Variants in SH2B3 observed in about 807,000 individuals in gnomAD.
The protein encoded by SH2B3 is SH2B adaptor protein 3.
SH2B3 carries 43 observed loss-of-function variants against 51.9 expected under a neutral mutation model. The ratio of observed to expected loss-of-function variants is 0.83; its 90% confidence interval spans 0.65 to 1.07. The LOEUF is 1.07. Ranked by LOEUF, SH2B3 falls within the 50% of genes least tolerant of loss-of-function variation. SH2B3 has a pLI of 0.00. For synonymous variants in SH2B3, 396 were observed against 376.0 expected (o/e 1.05, Z -0.62); for missense variants, 952 against 834.3 (o/e 1.14, Z -1.74).
rs773539972 is a variant in SH2B3 at position 111,447,264 on chromosome 12, A to C, written c.1021+45A>C. On this transcript the variant is annotated intron_variant, in intron 5 of 7. Transcript: ENST00000341259. ...GGCCATTGTCTTCTGGGTACGCTGG[A>C]ACCCAGACTCAGCCCAGGACATAAG... 9.5e-5 allele frequency: 150 copies of C among 1,576,384 alleles called. No individual in the cohort carries two copies. The Admixed American group carries it at 2.5e-3, about 26-fold the overall frequency.
chr12:111,442,440 G>A (rs1409724084), intron 2 of SH2B3, among the ~76,000 whole-genome samples: 5 of 152,180 alleles, frequency 3.3e-5, no homozygotes, highest in Admixed American at 3.3e-4. Context: ...GGTGCTGGAG[G>A]GTCGACTGAG....
chr12:111,446,745 T>G lies in SH2B3; in HGVS notation c.733-8T>G, dbSNP rs1278661679. The G allele has an allele frequency of 6.6e-7, 1 of 1,509,690 alleles. No homozygotes were observed. The allele number at this position is 1,509,690 out of a possible 1,614,324, so 93.5% of individuals were successfully genotyped here. A position where few individuals can be genotyped will look rare whatever the true frequency, so the allele number is the denominator to read the frequency against. On this transcript the variant is annotated splice_region_variant and splice_polypyrimidine_tract_variant and intron_variant, in intron 2 of 7. Coordinates refer to ENST00000341259, the MANE Select transcript of SH2B3 (RefSeq NM_005475.3). ...ACAAGCCTTGAGTACCCCAACTTGG[T>G]CTCGTAGAGTTCAAGGCCCAAGCTA... is the stretch of plus-strand genomic sequence containing the variant.
chr12:111,408,723 G>T (rs1254845814), intron 1 of SH2B3, among the ~76,000 whole-genome samples: 1 of 152,140 alleles, frequency 6.6e-6, no homozygotes, highest in Admixed American at 6.5e-5. Context: ...GGCCAATACA[G>T]CTCCTTTTGC....
chr12:111,424,706 G>T (rs757714441), intron 2 of SH2B3, among the ~76,000 whole-genome samples: 3 of 152,124 alleles, frequency 2.0e-5, no homozygotes, highest in Admixed American at 6.6e-5. Flanking sequence ...CAGTCCGGGC[G>T]GCTCAGGAGC....
chr12:111,428,868 C>T (rs983795445), intron 2 of SH2B3, among the ~76,000 whole-genome samples: 16 of 151,364 alleles, frequency 1.1e-4, no homozygotes, highest in Non-Finnish European at 1.9e-4. Flanking sequence ...AACTGAGACC[C>T]GGGGAGGCCA....
At chr12:111,443,094 C>T (rs1873591847) in intron 2 of SH2B3, among the ~76,000 whole-genome samples, 1 of 152,242 alleles carries the variant, frequency 6.6e-6, no homozygotes, top group African/African-American at 2.4e-5. Flanking sequence ...AAGACAGTTT[C>T]CAGGTAACAG....
At chr12:111,416,097 A>AC (rs938817827) in intron 1 of SH2B3, among the ~76,000 whole-genome samples, 3 of 151,578 alleles carry the variant, frequency 2.0e-5, no homozygotes, top group African/African-American at 7.3e-5. Context: ...GCCTGCCACC[A>AC]CCCCCCGCTA....
upstream of SH2B3, among the ~76,000 whole-genome samples, chr12:111,405,795 G>A (rs1013689151): frequency 2.6e-5 from 4 of 151,894 alleles, no homozygotes; most frequent in Non-Finnish European, 4.4e-5. This position sits in a 1 kb window ranked among gnomAD's most constrained non-coding sequence, Gnocchi z 5.4. Flanking sequence ...CTCATGGCCC[G>A]CCCCTCCAGC....
chr12:111,418,473 C>CCCG lies in SH2B3; in HGVS notation c.334_336dup (p.Ala112dup), dbSNP rs1305167469. 1.5e-6 allele frequency: 2 copies of CCCG among 1,358,816 alleles called. No homozygotes were observed. The highest frequency in any genetic ancestry group is 1.9e-6 in the Non-Finnish European group (2 of 1,061,930). The allele number at this position is 1,358,816 out of a possible 1,614,324, so 84.2% of individuals were successfully genotyped here. ...GGCGTCCCCGGAGCCAGGCCCCGGC[C>CCCG]CCGCCGCCCCTGGCCTGCCCAAGGC... On this transcript the variant is annotated inframe_insertion, in exon 2 of 8. Transcript: ENST00000341259. The surrounding 1 kb of genome is among the most constrained non-coding windows in gnomAD (Gnocchi z 6.7).
chr12:111,436,255 CT>C (rs1361796471), intron 2 of SH2B3, among the ~76,000 whole-genome samples: 1 of 152,200 alleles, frequency 6.6e-6, no homozygotes, highest in Non-Finnish European at 1.5e-5. Flanking sequence ...TGTGGCTCCC[CT>C]CCTTCCATCC....
chr12:111,447,150 C>A lies in SH2B3; in HGVS notation c.952C>A (p.His318Asn). The part of the protein sequence containing the change: ...RGLESTEAEM[H>N]IPSALEPSTS... ...GCTGGAGAGCACAGAAGCAGAGATG[C>A]ATATTCCCTCAGCCCTAGAGCCTAG... is the stretch of plus-strand genomic sequence containing the variant. Residue 318 changes from histidine to asparagine, a missense_variant, in exon 5 of 8, where the codon CAT becomes AAT. Coordinates refer to ENST00000341259, the MANE Select transcript of SH2B3 (RefSeq NM_005475.3). The A allele has an allele frequency of 6.2e-7, 1 of 1,613,964 alleles. No individual in the cohort carries two copies. Among genetic ancestry groups the A allele is most frequent in the Non-Finnish European group, 8.5e-7 (1 of 1,179,820 alleles).
chr12:111,437,965 C>A (rs145660813), intron 2 of SH2B3, among the ~76,000 whole-genome samples: 1 of 152,270 alleles, frequency 6.6e-6, no homozygotes. Flanking sequence ...CCAAGAGGAA[C>A]TCTCCCAGTC....
At chr12:111,424,301 G>A (rs1470283427) in intron 2 of SH2B3, among the ~76,000 whole-genome samples, 1 of 152,026 alleles carries the variant, frequency 6.6e-6, no homozygotes, top group Non-Finnish European at 1.5e-5. Flanking sequence ...ACCCCATAGG[G>A]CTGTGTGTCT....
chr12:111,446,952 G>A lies in SH2B3; in HGVS notation c.845G>A (p.Arg282Gln), dbSNP rs148319611. ...CTTCCTCCCTGCCAGGTGAAGGACCGGACAGACATCATCTTTGAGGTGGGA... is the reference window on the plus strand; with the variant it reads ...CTTCCTCCCTGCCAGGTGAAGGACCAGACAGACATCATCTTTGAGGTGGGA... ...LYTFVLKVKD[R>Q]TDIIFEVGDE... The change falls in exon 4 of 8, where the codon CGG becomes CAG. Residue 282 changes from arginine (R) to glutamine (Q), a missense_variant. Coordinates refer to ENST00000341259, the MANE Select transcript of SH2B3 (RefSeq NM_005475.3). The A allele has an allele frequency of 1.2e-5, 20 of 1,613,754 alleles. No homozygotes were observed. The highest frequency in any genetic ancestry group is 1.6e-4 in the Middle Eastern group (1 of 6,084).
rs757657667 is a variant in SH2B3, at chr12:111,410,558, G to A, written c.-28+4281G>A. Among the ~76,000 whole-genome samples the A allele has an allele frequency of 1.4e-4, 22 of 152,182 alleles. No individual in the cohort carries two copies. The highest frequency in any genetic ancestry group is 2.9e-4 in the Non-Finnish European group (20 of 68,024). Reference sequence around the variant, plus strand: ...CTCCTGAAACCTAGCTGGGGCGGTGGCTGGGATGTCAGGCTGGCGGTGTGG... The same window carrying A: ...CTCCTGAAACCTAGCTGGGGCGGTGACTGGGATGTCAGGCTGGCGGTGTGG... On this transcript the variant is annotated intron_variant, in intron 1 of 7. Coordinates refer to ENST00000341259, the MANE Select transcript of SH2B3 (RefSeq NM_005475.3). This position sits in a 1 kb window ranked among gnomAD's most constrained non-coding sequence, Gnocchi z 4.9.
intron 1 of SH2B3, among the ~76,000 whole-genome samples, chr12:111,411,683 C>T (rs1870712240): frequency 6.6e-6 from 1 of 152,130 alleles, no homozygotes; most frequent in African/African-American, 2.4e-5. Flanking sequence ...CCCTCAATAG[C>T]CCTTTGGTGG....
At chr12:111,430,218 G>A (rs930370441) in intron 2 of SH2B3, among the ~76,000 whole-genome samples, 2 of 152,212 alleles carry the variant, frequency 1.3e-5, no homozygotes, top group African/African-American at 2.4e-5. Flanking sequence ...GGGCTCCTGC[G>A]GCCCCAGCCA....
chr12:111,431,179 T>C (rs2135572351), intron 2 of SH2B3, among the ~76,000 whole-genome samples: 1 of 152,230 alleles, frequency 6.6e-6, no homozygotes, highest in Non-Finnish European at 1.5e-5. Context: ...TGGGTGACAG[T>C]GTACATCGGG....
intron 2 of SH2B3, among the ~76,000 whole-genome samples, chr12:111,423,052 A>G (rs911698486): frequency 2.6e-5 from 4 of 152,156 alleles, no homozygotes; most frequent in African/African-American, 9.7e-5. Flanking sequence ...GGCAGAGGGA[A>G]CAGCATGGGC....
Sources: allele counts gnomAD v4.1 joint callset (sites outside exome capture counted in the v4.1 genomes callset), GRCh38; gene constraint gnomAD v4.1.1; non-coding constraint Gnocchi (gnomAD v3.1); transcripts MANE v1.5; gene names NCBI Gene and HGNC (gene_info 2026-07-23, HGNC 2026-07-21).